The following ERAP1 variants were observed in gnomAD, a reference collection of about 807,000 sequenced individuals.
ERAP1 encodes the protein adipocyte-derived leucine aminopeptidase.
A neutral mutation model predicts 103.7 loss-of-function variants in ERAP1; 86 were observed. That is an observed-to-expected ratio of 0.83 (90% CI 0.70 to 0.99). The LOEUF (loss-of-function observed/expected upper bound fraction) is 0.99. Among genes scored for constraint, ERAP1 ranks in the 50% least tolerant of loss-of-function variants. The probability of loss-of-function intolerance (pLI) is 0.00; values close to 1 mark genes in which losing one functional copy is unlikely to be tolerated. For synonymous variants in ERAP1, 398 were observed against 402.4 expected (o/e 0.99, Z 0.13); for missense variants, 1,009 against 1,128.4 (o/e 0.89, Z 1.52).
the ERAP1 span, chr5:96,889,361 T>G: frequency 2.5e-6 from 4 of 1,575,952 alleles, no homozygotes; most frequent in Admixed American, 6.7e-5. Flanking sequence ...CTTGCTTTGA[T>G]CTCTTCCCTC....
In ERAP1 at chr5:96,803,615, C is replaced by T; in HGVS notation, c.312G>A (p.Arg104=). 1 of 1,614,070 alleles carries T rather than the reference C, an allele frequency of 6.2e-7. No individual in the cohort carries two copies. The highest frequency in any genetic ancestry group is 8.5e-7 in the Non-Finnish European group (1 of 1,180,008). The change falls in exon 2 of 19, where the codon AGG becomes AGA. Residue 104 remains arginine (R), a synonymous_variant. Transcript: ENST00000443439. ...CTCCAGCTCCCTTCCTGAGGGTGGCCCTAGATATCTGCAGGTGGTGACTAT... is the reference window on the plus strand; with the variant it reads ...CTCCAGCTCCCTTCCTGAGGGTGGCTCTAGATATCTGCAGGTGGTGACTAT... ...ILHSHHLQIS[R]ATLRKGAGER...
downstream of ERAP1, among the ~76,000 whole-genome samples, chr5:96,771,411 A>C (rs901639241): frequency 6.6e-6 from 1 of 152,170 alleles, no homozygotes; most frequent in African/African-American, 2.4e-5. Context: ...CCTTAAAAAA[A>C]TAAAGCTGAG....
the ERAP1 span, chr5:96,902,411 C>T: frequency 2.8e-6 from 3 of 1,070,566 alleles, no homozygotes; most frequent in Non-Finnish European, 4.3e-6. Flanking sequence ...ATGTGTTGAG[C>T]TATTTGAAGG....
rs1777011837 is a variant in ERAP1, at chr5:96,793,841, C to T, written c.1036G>A (p.Gly346Ser). The change falls in exon 6 of 19, where the codon GGC (glycine) becomes AGC (serine). Residue 346 changes from glycine (G) to serine (S), a missense_variant. By Grantham distance (56) the Gly-to-Ser change is moderately conservative (BLOSUM62 0). Around this residue, in one of 3 missense-constraint regions of ERAP1, gnomAD observed 392 missense variants for 455.2 expected, o/e 0.86. Transcript: ENST00000443439. ...TCATGGGCCACAGTCATTGTGATGC[C>T]AAGCTTACTTGATGCAGAAGACTTT... ...AEKSSASSKL[G>S]ITMTVAHELA... 1 of 1,614,064 alleles carries T rather than the reference C, an allele frequency of 6.2e-7. No homozygotes were observed. The highest frequency in any genetic ancestry group is 8.5e-7 in the Non-Finnish European group (1 of 1,179,966).
At chr5:96,786,639 G>T in intron 11 of ERAP1, 90 bp from the exon 12 acceptor site, 1 of 858,606 alleles carries the variant, frequency 1.2e-6, no homozygotes, top group Non-Finnish European at 2.0e-6. Context: ...GCACTGGTTA[G>T]TTTAGAACAA....
chr5:96,782,008 A>ATT (rs68114531), intron 15 of ERAP1, among the ~76,000 whole-genome samples, 154 bp from the exon 16 acceptor site: 1 of 133,754 alleles, frequency 7.5e-6, no homozygotes, highest in African/African-American at 2.7e-5. Context: ...TTCAGTTACA[A>ATT]TTTTTTTTTT....
At chr5:96,889,081 T>C in the ERAP1 span, 6 of 1,359,478 alleles carry the variant, frequency 4.4e-6, no homozygotes, top group Non-Finnish European at 6.1e-6. Context: ...CTTAATACTT[T>C]CTTGAAAAGA....
intron 10 of ERAP1, among the ~76,000 whole-genome samples, chr5:96,789,220 CT>C (rs1776441839): frequency 6.6e-6 from 1 of 152,232 alleles, no homozygotes; most frequent in Admixed American, 6.5e-5. Context: ...GGCGCGGTGG[CT>C]CATGCCTGTA....
chr5:96,769,353 T>G (rs1416880532), intron 19 of ERAP1: 1 of 152,054 alleles, frequency 6.6e-6, no homozygotes, highest in Non-Finnish European at 1.5e-5. Context: ...TGTTTCCCAT[T>G]GTTCATTTCT....
At chr5:96,915,808 G>A in the ERAP1 span, 16 of 1,458,028 alleles carry the variant, frequency 1.1e-5, no homozygotes, top group African/African-American at 1.4e-5. Flanking sequence ...CAAAATAAAT[G>A]TTCAAATTGT....
At chr5:96,797,043 C>T in intron 4 of ERAP1, 132 bp downstream of exon 4, 1 of 1,019,788 alleles carries the variant, frequency 9.8e-7, no homozygotes. Context: ...TCCACCTCAG[C>T]CTCCCAAACT....
chr5:96,810,904 A>G (rs2151026534), upstream of ERAP1, among the ~76,000 whole-genome samples: 1 of 152,244 alleles, frequency 6.6e-6, no homozygotes, highest in Non-Finnish European at 1.5e-5. Flanking sequence ...TAATCATATT[A>G]CCACTCTCCT....
In ERAP1 at chr5:96,767,916, G is replaced by A. The variant is rs748910229; in HGVS notation, c.2819-4688C>T. ...TCTACTCATATCTCAGAAACCTGCA[G>A]ATGACCAAGACCCCATTGATGCTCT... is the stretch of plus-strand genomic sequence containing the variant. On this transcript the variant is annotated intron_variant, in intron 19 of 19. Coordinates refer to the ERAP1 transcript ENST00000296754. The A allele has an allele frequency of 1.2e-4, 200 of 1,612,280 alleles. No individual in the cohort carries two copies. Among genetic ancestry groups the A allele is most frequent in the Non-Finnish European group, 1.6e-4 (185 of 1,178,596 alleles).
rs996196612 is a variant in ERAP1 at position 96,807,844 on chromosome 5, C to T, written c.-18+16G>A. 1.4e-5 allele frequency: 14 copies of T among 985,764 alleles called. No individual in the cohort carries two copies. The highest frequency in any genetic ancestry group is 1.7e-5 in the Non-Finnish European group (14 of 830,218). The allele number at this position is 985,764 out of a possible 1,614,324, so 61.1% of individuals were successfully genotyped here. A position where few individuals can be genotyped will look rare whatever the true frequency, so the allele number is the denominator to read the frequency against. ...CCGGCCCGCAGTCCCCTACCCGCGG[C>T]TCGAGCGCGCTGTACCTGGGGTTCT... On this transcript the variant is annotated intron_variant, in intron 1 of 18. Transcript: ENST00000443439.
chr5:96,878,111 G>A, the ERAP1 span, among the ~76,000 whole-genome samples: 3 of 152,244 alleles, frequency 2.0e-5, no homozygotes, highest in East Asian at 3.9e-4. Context: ...AATTTTATAT[G>A]TGTTGTAGCT....
chr5:96,913,003 G>T, the ERAP1 span, among the ~76,000 whole-genome samples: 82,394 of 151,970 alleles, frequency 0.54, 22,403 homozygotes, highest in Admixed American at 0.59. Flanking sequence ...ATATGATTGA[G>T]ACTAGACAAG....
At chr5:96,916,456 C>CT in the ERAP1 span, among the ~76,000 whole-genome samples, 2,151 of 97,592 alleles carry the variant, frequency 0.022, 105 homozygotes, top group African/African-American at 0.053. Context: ...TTCTAGTTAT[C>CT]TTTTTTTTTT....
chr5:96,924,383 A>G, the ERAP1 span, among the ~76,000 whole-genome samples: 1 of 152,246 alleles, frequency 6.6e-6, no homozygotes. Flanking sequence ...CAAGAATCAT[A>G]GTCAAATGTA....
chr5:96,927,217 G>A, the ERAP1 span, among the ~76,000 whole-genome samples: 1 of 152,156 alleles, frequency 6.6e-6, no homozygotes, highest in East Asian at 1.9e-4. Flanking sequence ...TTAACCTTTT[G>A]GGGAGCTGCC....
Sources: gnomAD v4.1 joint callset for allele counts (sites outside exome capture counted in the v4.1 genomes callset) on GRCh38, gnomAD v4.1.1 for gene constraint, gnomAD v4.1.1 regional missense constraint, MANE v1.5 for transcripts, NCBI Gene and HGNC (gene_info 2026-07-23, HGNC 2026-07-21) for gene names.